Variants in RALGAPA2 observed in about 807,000 individuals in gnomAD.
RALGAPA2 encodes Ral GTPase activating protein catalytic subunit alpha 2, also known as ral GTPase-activating protein subunit alpha-2.
Under a neutral mutation model 230.4 loss-of-function variants are expected in RALGAPA2, and 139 were observed. That is an observed-to-expected ratio of 0.60 (90% CI 0.53 to 0.69). The LOEUF (loss-of-function observed/expected upper bound fraction) is 0.69. Among genes scored for constraint, RALGAPA2 ranks in the 30% least tolerant of loss-of-function variants. The pLI is 0.00. For synonymous variants in RALGAPA2, 847 were observed against 837.8 expected, an observed-to-expected ratio of 1.01 and a Z score of -0.19; for missense variants, 2,163 against 2,276.0, an observed-to-expected ratio of 0.95 and a Z score of 1.01.
At position 20,513,085 on chromosome 20, in the gene RALGAPA2, C is replaced by G; in HGVS notation, c.4284G>C (p.Leu1428=). Residue 1428 remains leucine, a synonymous_variant, in exon 32 of 40, where the codon CTG becomes CTC. Coordinates refer to ENST00000202677, the MANE Select transcript of RALGAPA2 (RefSeq NM_020343.4). The part of the protein sequence containing the change: ...FEVFRSPNLQ[L]FVFNDSTLIS... ...TGAGGGTGCTATCATTAAATACAAA[C>G]AGCTGCAGGTTTGGACTTCTGAACA... 2 of 1,603,676 alleles carry G rather than the reference C, an allele frequency of 1.2e-6. No homozygotes were observed. The highest frequency in any genetic ancestry group is 1.1e-5 in the South Asian group (1 of 88,814).
rs192508323 is a variant in RALGAPA2, at chr20:20,533,813, A to G, written c.3473+1932T>C. Among the ~76,000 whole-genome samples, 16 of 152,272 alleles carry G rather than the reference A, an allele frequency of 1.1e-4. No individual in the cohort carries two copies. In the East Asian group the frequency reaches 2.5e-3, roughly 24 times the overall value. On this transcript the variant is annotated intron_variant, in intron 26 of 39. Transcript: ENST00000202677. ...CCACAATGCAATTAAGTAAGACATCAGTAAAAAAAGATACCTATAGAATTC... is the reference window on the plus strand; with the variant it reads ...CCACAATGCAATTAAGTAAGACATCGGTAAAAAAAGATACCTATAGAATTC...
intron 2 of RALGAPA2, among the ~76,000 whole-genome samples, chr20:20,679,675 C>T (rs13041724): frequency 0.016 from 2,375 of 152,256 alleles, 22 homozygotes; most frequent in Non-Finnish European, 0.025. Flanking sequence ...CTCATGTTCT[C>T]CCCTCCAGCA....
chr20:20,697,618 T>A (rs1603252867), intron 1 of RALGAPA2, among the ~76,000 whole-genome samples: 1 of 152,080 alleles, frequency 6.6e-6, no homozygotes, highest in African/African-American at 2.4e-5. Context: ...GGCTGACCAA[T>A]CACAGTACCC....
At chr20:20,518,891 G>A (rs2062954383) in intron 31 of RALGAPA2, among the ~76,000 whole-genome samples, 1 of 152,092 alleles carries the variant, frequency 6.6e-6, no homozygotes, top group African/African-American at 2.4e-5. Flanking sequence ...TTACAGTAGG[G>A]AACAACGAAA....
In RALGAPA2 at chr20:20,589,200, T is replaced by C. The variant is rs557871081; in HGVS notation, c.2439+68A>G. 659 of 1,446,850 alleles carry C rather than the reference T, an allele frequency of 4.6e-4. 1 individual carries two copies. Among genetic ancestry groups the C allele is most frequent in the Non-Finnish European group, 5.1e-4 (555 of 1,094,172 alleles). The allele number at this position is 1,446,850 out of a possible 1,614,324, so 89.6% of individuals were successfully genotyped here. On this transcript the variant is annotated intron_variant, in intron 18 of 39. Coordinates refer to ENST00000202677, the MANE Select transcript of RALGAPA2 (RefSeq NM_020343.4). ...TTTAATTATCACTGCCACCAATAAA[T>C]TTACTTACTGAGCACTAATTAATGT...
chr20:20,470,222 T>C (rs1027372217), intron 37 of RALGAPA2, among the ~76,000 whole-genome samples: 1 of 152,192 alleles, frequency 6.6e-6, no homozygotes, highest in African/African-American at 2.4e-5. Flanking sequence ...GCTCCAGCAA[T>C]GCCCCCATCC....
chr20:20,572,734 T>C, intron 21 of RALGAPA2, 141 bp downstream of exon 21: 1 of 726,520 alleles, frequency 1.4e-6, no homozygotes, highest in Non-Finnish European at 2.1e-6. Flanking sequence ...ATGATTATTC[T>C]TTGATAATCA....
chr20:20,566,929 T>C (rs1185596166), intron 23 of RALGAPA2, among the ~76,000 whole-genome samples: 1 of 152,226 alleles, frequency 6.6e-6, no homozygotes, highest in Non-Finnish European at 1.5e-5. Flanking sequence ...CCTCATGCTT[T>C]TTTGGTGCAT....
chr20:20,413,435 T>C (rs566281382), intron 37 of RALGAPA2, among the ~76,000 whole-genome samples: 38 of 152,290 alleles, frequency 2.5e-4, no homozygotes, highest in Non-Finnish European at 7.4e-5. Flanking sequence ...ATAATTTTCA[T>C]ACCGTGAGGA....
chr20:20,582,876 T>C (rs1440404260), intron 20 of RALGAPA2, among the ~76,000 whole-genome samples, 174 bp downstream of exon 20: 1 of 152,182 alleles, frequency 6.6e-6, no homozygotes, highest in Admixed American at 6.5e-5. Flanking sequence ...CAGTCAGGGA[T>C]AGTAAAGGCT....
chr20:20,688,630 C>T (rs2068788544), intron 1 of RALGAPA2, among the ~76,000 whole-genome samples: 1 of 152,162 alleles, frequency 6.6e-6, no homozygotes, highest in Non-Finnish European at 1.5e-5. Context: ...TCTTAGATCC[C>T]CTCCTACTTC....
chr20:20,628,480 C>G (rs1364866950), intron 10 of RALGAPA2, among the ~76,000 whole-genome samples: 1 of 152,114 alleles, frequency 6.6e-6, no homozygotes, highest in Admixed American at 6.5e-5. Context: ...ACTGGCCACA[C>G]GCCACACTCC....
intron 5 of RALGAPA2, 25 bp downstream of exon 5, chr20:20,643,481 T>C (rs372766388): frequency 6.9e-7 from 1 of 1,459,242 alleles, no homozygotes; most frequent in African/African-American, 1.5e-5. Context: ...TAATAAAAAA[T>C]GTCATTACAC....
intron 1 of RALGAPA2, 46 bp from the exon 2 acceptor site, chr20:20,680,847 C>A: frequency 6.6e-7 from 1 of 1,514,846 alleles, no homozygotes; most frequent in South Asian, 1.3e-5. Flanking sequence ...TTTATAAAAT[C>A]ACAAGAATTT....
In RALGAPA2 at chr20:20,462,450, C is replaced by G. The variant is rs6132300; in HGVS notation, c.5495+10379G>C. Among the ~76,000 whole-genome samples the G allele has an allele frequency of 3.3e-5, 5 of 152,210 alleles. No homozygotes were observed. The East Asian group carries it at 5.8e-4, about 18-fold the overall frequency. ...GGAGAAAAGGGAGTGGGCACCAGCA[C>G]AGAACCCTGCAGTATCCTTCCTTCC... On this transcript the variant is annotated intron_variant, in intron 37 of 39. Coordinates refer to ENST00000202677, the MANE Select transcript of RALGAPA2 (RefSeq NM_020343.4).
At chr20:20,419,890 G>A (rs2060242265) in intron 37 of RALGAPA2, among the ~76,000 whole-genome samples, 1 of 152,214 alleles carries the variant, frequency 6.6e-6, no homozygotes, top group African/African-American at 2.4e-5. Flanking sequence ...TAATGGGCAT[G>A]TAATCAAGGA....
At chr20:20,685,502 A>G (rs1434023696) in intron 1 of RALGAPA2, among the ~76,000 whole-genome samples, 4 of 152,230 alleles carry the variant, frequency 2.6e-5, no homozygotes, top group African/African-American at 9.6e-5. Context: ...AAGAGAAAGA[A>G]ACCTCAGGGT....
intron 24 of RALGAPA2, among the ~76,000 whole-genome samples, chr20:20,544,245 C>T (rs1272973630): frequency 6.6e-6 from 1 of 151,628 alleles, no homozygotes; most frequent in Non-Finnish European, 1.5e-5. Flanking sequence ...CACGGTGAAA[C>T]TCCATCTCTA....
intron 24 of RALGAPA2, among the ~76,000 whole-genome samples, chr20:20,541,502 A>AC (rs2063640223): frequency 6.6e-6 from 1 of 152,186 alleles, no homozygotes; most frequent in African/African-American, 2.4e-5. Flanking sequence ...ACAACAGTCC[A>AC]CCTAATAACA....
Sources: allele counts gnomAD v4.1 joint callset (sites outside exome capture counted in the v4.1 genomes callset), GRCh38; gene constraint gnomAD v4.1.1; transcripts MANE v1.5; gene names NCBI Gene and HGNC (gene_info 2026-07-23, HGNC 2026-07-21).